Variants in RDH14 observed in about 807,000 individuals in gnomAD.
The protein encoded by RDH14 is alcohol dehydrogenase PAN2.
RDH14 carries 17 observed loss-of-function variants against 19.3 expected under a neutral mutation model. The ratio of observed to expected loss-of-function variants is 0.88; its 90% CI spans 0.60 to 1.32. The LOEUF (loss-of-function observed/expected upper bound fraction) is 1.32, where lower values mean the gene tolerates loss of function less well. Among genes scored for constraint, RDH14 ranks in the 40% most tolerant of loss-of-function variants. The pLI is 0.00. For synonymous variants in RDH14, 215 were observed against 188.9 expected (o/e 1.14, Z -1.13); for missense variants, 534 against 449.2 (o/e 1.19, Z -1.71).
chr2:18,554,998 A>T lies in RDH14; in HGVS notation c.*193T>A, dbSNP rs115362218. On this transcript the variant is annotated 3_prime_UTR_variant, in exon 2 of 2. Coordinates refer to ENST00000381249, the MANE Select transcript of RDH14 (RefSeq NM_020905.4). ...ATTATACTTACTATATATATTTAAA[A>T]CATCTTTGCTGAAATTCTCTTATCC... The T allele has an allele frequency of 1.5e-3, 1,006 of 687,402 alleles. 4 individuals are homozygous for T. Among genetic ancestry groups the T allele is most frequent in the African/African-American group, 0.011 (636 of 55,752 alleles). 42.6% of individuals were successfully genotyped at this position (687,402 alleles called of 1,614,324 possible). A position where few individuals can be genotyped will look rare whatever the true frequency, so the allele number is the denominator to read the frequency against.
At position 18,555,578 on chromosome 2, in the gene RDH14, T is replaced by A; in HGVS notation, c.624A>T (p.Glu208Asp). Reference sequence around the variant, plus strand: ...AACAAAAGCTTTTATTATAGCTTTGTTCACTGTTCAAGTCATCAAAATTGA... The same window carrying A: ...AACAAAAGCTTTTATTATAGCTTTGATCACTGTTCAAGTCATCAAAATTGA... ...GDINFDDLNS[E>D]QSYNKSFCYS... Residue 208 changes from glutamate to aspartate, a missense_variant, in exon 2 of 2, where the codon GAA becomes GAT. Transcript: ENST00000381249. 6.2e-7 allele frequency: 1 copy of A among 1,614,132 alleles called. No homozygotes were observed. The highest frequency in any genetic ancestry group is 8.5e-7 in the Non-Finnish European group (1 of 1,179,990).
intron 1 of RDH14, 85 bp downstream of exon 1, chr2:18,560,095 C>T (rs1664051424): frequency 7.1e-7 from 1 of 1,404,106 alleles, no homozygotes; most frequent in East Asian, 2.9e-5. Flanking sequence ...CCAGGGCGGT[C>T]CCTCGCGGCT....
At position 18,555,350 on chromosome 2, in the gene RDH14, C is replaced by T. The variant is rs1336332855; in HGVS notation, c.852G>A (p.Gln284=). The change falls in exon 2 of 2, where the codon CAG becomes CAA. Residue 284 remains glutamine (Q), a synonymous_variant. Transcript: ENST00000381249. ...AFFKTPVEGA[Q]TSIYLASSPE... ...GTGAAGAGGCCAAATAAATGGAAGT[C>T]TGGGCACCTTCTACTGGAGTTTTGA... 1 of 1,614,096 alleles carries T rather than the reference C, an allele frequency of 6.2e-7. No individual in the cohort carries two copies. Among genetic ancestry groups the T allele is most frequent in the Non-Finnish European group, 8.5e-7 (1 of 1,179,980 alleles).
At chr2:18,560,044 T>G (rs890612358) in intron 1 of RDH14, 136 bp downstream of exon 1, 2 of 989,126 alleles carry the variant, frequency 2.0e-6, no homozygotes, top group African/African-American at 1.7e-5. Flanking sequence ...CTTTTTGGAC[T>G]CCTCTCAGCC....
chr2:18,559,657 C>T (rs1664029728), intron 1 of RDH14, among the ~76,000 whole-genome samples: 1 of 152,096 alleles, frequency 6.6e-6, no homozygotes, highest in African/African-American at 2.4e-5. Context: ...GCCACAGTCC[C>T]GTTAAGGATG....
chr2:18,556,504 A>C (rs764873694), intron 1 of RDH14, among the ~76,000 whole-genome samples: 5 of 152,236 alleles, frequency 3.3e-5, no homozygotes, highest in Non-Finnish European at 7.3e-5. Flanking sequence ...TAGATGCAGA[A>C]GCTTGATAGG....
chr2:18,555,201 A>C lies in RDH14; in HGVS notation c.1001T>G (p.Leu334Arg). The C allele has an allele frequency of 6.2e-7, 1 of 1,612,780 alleles. No homozygotes were observed. The highest frequency in any genetic ancestry group is 8.5e-7 in the Non-Finnish European group (1 of 1,179,058). The change falls in exon 2 of 2, where the codon CTG becomes CGG. Residue 334 changes from leucine to arginine, a missense_variant. Transcript: ENST00000381249. Reference sequence around the variant, plus strand: ...TTTTACTCCTTGTTCCTATTTTAGCAGGCCAACCATCACTTCACTGATATC... The same window carrying C: ...TTTTACTCCTTGTTCCTATTTTAGCCGGCCAACCATCACTTCACTGATATC... Reference protein sequence around the residue: ...LWDISEVMVGLLK With the variant: ...LWDISEVMVGRLK
chr2:18,558,592 G>C (rs1431157621), intron 1 of RDH14, among the ~76,000 whole-genome samples: 2 of 152,208 alleles, frequency 1.3e-5, no homozygotes, highest in African/African-American at 4.8e-5. Context: ...CCCTGGCAAT[G>C]TATTCATAAA....
At position 18,560,295 on chromosome 2, in the gene RDH14, T is replaced by C; in HGVS notation, c.278A>G (p.Gln93Arg). The change falls in exon 1 of 2, where the codon CAG (glutamine) becomes CGG (arginine). Residue 93 changes from glutamine to arginine, a missense_variant. Gln to Arg is a conservative substitution (Grantham distance 43, BLOSUM62 1). Transcript: ENST00000381249. ...AAGQLRRELR[Q>R]AAECGPEPGV... ...AGGCTCTGGGCCGCACTCCGCGGCC[T>C]GGCGGAGCTCGCGGCGGAGCTGACC... 1 of 1,482,770 alleles carries C rather than the reference T, an allele frequency of 6.7e-7. No homozygotes were observed. Among genetic ancestry groups the C allele is most frequent in the Non-Finnish European group, 8.9e-7 (1 of 1,125,592 alleles). 91.9% of individuals were successfully genotyped at this position (1,482,770 alleles called of 1,614,324 possible).
At chr2:18,556,263 A>AAT (rs1663916602) in intron 1 of RDH14, among the ~76,000 whole-genome samples, 1 of 152,174 alleles carries the variant, frequency 6.6e-6, no homozygotes, top group Admixed American at 6.5e-5. Flanking sequence ...TCAAAACAGA[A>AAT]ATACAGTCAA....
In RDH14 at chr2:18,560,333, G is replaced by GGCGC; in HGVS notation, c.236_239dup (p.Glu81ArgfsTer56). The GGCGC allele has an allele frequency of 7.1e-7, 1 of 1,410,318 alleles. No homozygotes were observed. Among genetic ancestry groups the GGCGC allele is most frequent in the Non-Finnish European group, 9.1e-7 (1 of 1,094,978 alleles). 87.4% of individuals were successfully genotyped at this position (1,410,318 alleles called of 1,614,324 possible). A position where few individuals can be genotyped will look rare whatever the true frequency, so the allele number is the denominator to read the frequency against. ...GGCGGAGCTGACCCGCCGCCTCCTC[G>GGCGC]GCGCGCGCGCGGTCCCGGCAGCCCA... On this transcript the variant is annotated frameshift_variant, in exon 1 of 2. Coordinates refer to ENST00000381249, the MANE Select transcript of RDH14 (RefSeq NM_020905.4). LOFTEE classifies it high-confidence loss of function.
At position 18,560,181 on chromosome 2, in the gene RDH14, T is replaced by G; in HGVS notation, c.392A>C (p.Gln131Pro). 1 of 1,522,466 alleles carries G rather than the reference T, an allele frequency of 6.6e-7. No individual in the cohort carries two copies. Among genetic ancestry groups the G allele is most frequent in the South Asian group, 1.2e-5 (1 of 83,736 alleles). 94.3% of individuals were successfully genotyped at this position (1,522,466 alleles called of 1,614,324 possible). ...AGCCCGGCCCCCCGAGGCCCACACC[T>G]GGAGCATTTCCTGGCAGAAGGCGCG... ...SVRAFCQEML[Q>P]EEPRLDVLIN... Residue 131 changes from glutamine to proline, a missense_variant and splice_region_variant, in exon 1 of 2, where the codon CAG becomes CCG. Physicochemically the swap from Gln to Pro is moderately conservative, Grantham distance 76. Transcript: ENST00000381249.
At chr2:18,557,574 A>AT (rs1321057231) in intron 1 of RDH14, among the ~76,000 whole-genome samples, 1 of 152,110 alleles carries the variant, frequency 6.6e-6, no homozygotes, top group Non-Finnish European at 1.5e-5. Context: ...GTCATTTACT[A>AT]TTTTTTTAAA....
chr2:18,559,934 C>T (rs1664044306), intron 1 of RDH14, among the ~76,000 whole-genome samples: 2 of 152,088 alleles, frequency 1.3e-5, no homozygotes, highest in South Asian at 4.1e-4. Context: ...TTCTCTTGGG[C>T]CCATTTCTTT....
chr2:18,557,772 G>A (rs553891549), intron 1 of RDH14, among the ~76,000 whole-genome samples: 54 of 152,106 alleles, frequency 3.6e-4, no homozygotes, highest in Non-Finnish European at 7.1e-4. Flanking sequence ...TCTGCCTCAA[G>A]TGCCAAAGAA....
At position 18,555,066 on chromosome 2, in the gene RDH14, T is replaced by C. The variant is rs1305512861; in HGVS notation, c.*125A>G. 3.5e-6 allele frequency: 5 copies of C among 1,444,654 alleles called. No homozygotes were observed. In the African/African-American group the frequency reaches 7.1e-5, roughly 21 times the overall value. 89.5% of individuals were successfully genotyped at this position (1,444,654 alleles called of 1,614,324 possible). A position where few individuals can be genotyped will look rare whatever the true frequency, so the allele number is the denominator to read the frequency against. On this transcript the variant is annotated 3_prime_UTR_variant, in exon 2 of 2. Coordinates refer to ENST00000381249, the MANE Select transcript of RDH14 (RefSeq NM_020905.4). ...TAACTCCAAAATACCCACATGTACC[T>C]CTTAGCAGGCTATTCCAATATCAAA...
Position 18,555,710 on chromosome 2 carries a change from G to A in RDH14, c.492C>T (p.Asn164=). The change falls in exon 2 of 2, where the codon AAC becomes AAT. Residue 164 remains asparagine (N), a synonymous_variant. Coordinates refer to ENST00000381249, the MANE Select transcript of RDH14 (RefSeq NM_020905.4). The part of the protein sequence containing the change: ...EDGFEMQFGV[N]HLGHFLLTNL... ...TGGTGAGTAGAAAGTGCCCCAGATG[G>A]TTCACTCCGAACTGCATCTCAAACC... 6.2e-7 allele frequency: 1 copy of A among 1,614,088 alleles called. No homozygotes were observed. The highest frequency in any genetic ancestry group is 8.5e-7 in the Non-Finnish European group (1 of 1,179,970).
chr2:18,555,485 A>C lies in RDH14; in HGVS notation c.717T>G (p.Asn239Lys). 6.2e-7 allele frequency: 1 copy of C among 1,614,186 alleles called. No individual in the cohort carries two copies. Among genetic ancestry groups the C allele is most frequent in the South Asian group, 1.1e-5 (1 of 91,088 alleles). The change falls in exon 2 of 2, where the codon AAT becomes AAG. Residue 239 changes from asparagine to lysine, a missense_variant. By Grantham distance (94) the Asn-to-Lys change is moderately conservative. Transcript: ENST00000381249. ...CAGGATGCAACACATTGACGGTGAC[A>C]TTTGTGCCTTCTAAGCGGCGGGCTA... ...RELARRLEGT[N>K]VTVNVLHPGI...
In RDH14 at chr2:18,560,626, T is replaced by C; in HGVS notation, c.-54A>G. 6 of 1,383,352 alleles carry C rather than the reference T, an allele frequency of 4.3e-6. No homozygotes were observed. Among genetic ancestry groups the C allele is most frequent in the Non-Finnish European group, 5.6e-6 (6 of 1,078,508 alleles). 85.7% of individuals were successfully genotyped at this position (1,383,352 alleles called of 1,614,324 possible). A position where few individuals can be genotyped will look rare whatever the true frequency, so the allele number is the denominator to read the frequency against. On this transcript the variant is annotated 5_prime_UTR_variant, in exon 1 of 2. Transcript: ENST00000381249. ...CCACGGGAGTTCCGCAGCCGCCGCC[T>C]TACCGGAACCCAAGAGACCACCTGT...
Sources: gnomAD v4.1 joint callset for allele counts (sites outside exome capture counted in the v4.1 genomes callset) on GRCh38, gnomAD v4.1.1 for gene constraint, MANE v1.5 for transcripts, NCBI Gene and HGNC (gene_info 2026-07-23, HGNC 2026-07-21) for gene names.